Variants in NSFL1C observed in about 807,000 individuals in gnomAD.
NSFL1C encodes the protein NSFL1 cofactor p47.
A neutral mutation model predicts 43.1 loss-of-function variants in NSFL1C; 14 were observed. That is an observed-to-expected ratio of 0.32 (90% confidence interval 0.21 to 0.51). The LOEUF is 0.51. Among genes scored for constraint, NSFL1C ranks in the 20% least tolerant of loss-of-function variants. The probability of loss-of-function intolerance (pLI) is 0.98; values close to 1 mark genes in which losing one functional copy is unlikely to be tolerated. For missense variants in NSFL1C, 406 were observed against 472.5 expected, an observed-to-expected ratio of 0.86 and a Z score of 1.30; for synonymous variants, 171 against 183.5, an observed-to-expected ratio of 0.93 and a Z score of 0.55.
intron 7 of NSFL1C, 198 bp from the exon 8 acceptor site, chr20:1,446,028 A>G (rs1272267363): frequency 3.3e-6 from 2 of 611,270 alleles, no homozygotes; most frequent in Non-Finnish European, 5.8e-6. Context: ...ACCCTGAGTC[A>G]TATATTTCAT....
chr20:1,455,817 A>G (rs1225788178), intron 3 of NSFL1C: 1 of 766,730 alleles, frequency 1.3e-6, no homozygotes, highest in Admixed American at 1.7e-5. Flanking sequence ...CAGCACCAGG[A>G]GCTCCCCCAA....
At chr20:1,458,410 T>A (rs539096966) in intron 2 of NSFL1C, 136 bp from the exon 3 acceptor site, 3 of 659,534 alleles carry the variant, frequency 4.5e-6, no homozygotes, top group Admixed American at 4.9e-5. Flanking sequence ...TGGAGAAAGG[T>A]TAATCCCCTA....
At position 1,452,526 on chromosome 20, in the gene NSFL1C, T is replaced by C. The variant is rs763661840; in HGVS notation, c.752A>G (p.Lys251Arg). The C allele has an allele frequency of 3.3e-5, 54 of 1,614,096 alleles. No individual in the cohort carries two copies. The highest frequency in any genetic ancestry group is 1.3e-4 in the African/African-American group (10 of 74,930). The change falls in exon 7 of 9, where the codon AAA becomes AGA. Residue 251 changes from lysine (K) to arginine (R), a missense_variant. Lys to Arg is a conservative substitution (Grantham distance 26, BLOSUM62 2). Coordinates refer to ENST00000216879, the MANE Select transcript of NSFL1C (RefSeq NM_016143.5). ...EDFVKPKGAF[K>R]AFTGEGQKLG... ...TTTCTGACCCTCGCCAGTGAAGGCTTTGAAGGCTCCTTTGGGCTTCACAAA... is the reference window on the plus strand; with the variant it reads ...TTTCTGACCCTCGCCAGTGAAGGCTCTGAAGGCTCCTTTGGGCTTCACAAA...
In NSFL1C at chr20:1,445,796, C is replaced by A; in HGVS notation, c.820G>T (p.Ala274Ser). 6.2e-7 allele frequency: 1 copy of A among 1,613,980 alleles called. No homozygotes were observed. Among genetic ancestry groups the A allele is most frequent in the Non-Finnish European group, 8.5e-7 (1 of 1,179,990 alleles). The change falls in exon 8 of 9, where the codon GCC (alanine) becomes TCC (serine). Residue 274 changes from alanine to serine, a missense_variant. Physicochemically the swap from Ala to Ser is moderately conservative, Grantham distance 99. This residue lies in a region of NSFL1C where 196 missense variants were observed against 228.0 expected (regional missense o/e 0.86). Transcript: ENST00000216879. Reference sequence around the variant, plus strand: ...TTGGCTTCATTTTCTGCCTGTTGGGCTGGAGAGCTGGTACTCAACACCTGG... The same window carrying A: ...TTGGCTTCATTTTCTGCCTGTTGGGATGGAGAGCTGGTACTCAACACCTGG... ...APQVLSTSSP[A>S]QQAENEAKAS...
At position 1,454,390 on chromosome 20, in the gene NSFL1C, T is replaced by A. The variant is rs1032089301; in HGVS notation, c.445-85A>T. 14 of 951,076 alleles carry A rather than the reference T, an allele frequency of 1.5e-5. No individual in the cohort carries two copies. In the African/African-American group the frequency reaches 1.8e-4, roughly 12 times the overall value. 58.9% of individuals were successfully genotyped at this position (951,076 alleles called of 1,614,324 possible). ...GATACAATGATATATATATCTTAGG[T>A]AAGAGGAAGAAAGAGGACAGGGTTC... On this transcript the variant is annotated intron_variant, in intron 4 of 8. Coordinates refer to ENST00000216879, the MANE Select transcript of NSFL1C (RefSeq NM_016143.5).
intron 3 of NSFL1C, chr20:1,456,555 C>G (rs183203380): frequency 6.6e-6 from 1 of 152,318 alleles, no homozygotes; most frequent in African/African-American, 2.4e-5. Context: ...GAATGTCTGA[C>G]AGACCGAGGC....
At chr20:1,461,788 A>C (rs1390628029) in intron 2 of NSFL1C, among the ~76,000 whole-genome samples, 1 of 152,226 alleles carries the variant, frequency 6.6e-6, no homozygotes, top group East Asian at 1.9e-4. Flanking sequence ...AACAGTACTA[A>C]CAACAGTACT....
At chr20:1,447,199 A>G (rs2090076993) in intron 7 of NSFL1C, among the ~76,000 whole-genome samples, 1 of 152,238 alleles carries the variant, frequency 6.6e-6, no homozygotes, top group African/African-American at 2.4e-5. Flanking sequence ...GCCTCAAAGC[A>G]TGTGGGACTC....
At chr20:1,449,873 G>GC (rs2090148612) in intron 7 of NSFL1C, among the ~76,000 whole-genome samples, 1 of 152,098 alleles carries the variant, frequency 6.6e-6, no homozygotes, top group Admixed American at 6.5e-5. Context: ...CTCACTTCCA[G>GC]CAGCAGTGAC....
At position 1,457,772 on chromosome 20, in the gene NSFL1C, T is replaced by C. The variant is rs563603828; in HGVS notation, c.278+428A>G. Among the ~76,000 whole-genome samples the C allele has an allele frequency of 4.6e-5, 7 of 152,364 alleles. No individual in the cohort carries two copies. The East Asian group carries it at 5.8e-4, about 13-fold the overall frequency. On this transcript the variant is annotated intron_variant, in intron 3 of 8. Transcript: ENST00000216879. ...TGACAATTTCCTTCTTTTTAAAGAC[T>C]GAGTAGTATTCCTACTGTGTATATA...
chr20:1,453,197 C>G, intron 5 of NSFL1C, 57 bp from the exon 6 acceptor site: 5 of 988,862 alleles, frequency 5.1e-6, no homozygotes, highest in Non-Finnish European at 8.1e-6. Context: ...CCAATTTGAA[C>G]TTGCAAATTA....
chr20:1,444,155 C>T (rs1212214517), intron 8 of NSFL1C, among the ~76,000 whole-genome samples: 3 of 152,208 alleles, frequency 2.0e-5, no homozygotes, highest in Non-Finnish European at 2.9e-5. Context: ...TTATACCACC[C>T]TCTTTCCCCT....
chr20:1,451,443 T>A (rs1463409319), intron 7 of NSFL1C, among the ~76,000 whole-genome samples: 2 of 152,160 alleles, frequency 1.3e-5, no homozygotes, highest in Non-Finnish European at 2.9e-5. Context: ...AGAAAGGATG[T>A]CTCATTGTGC....
chr20:1,449,870 C>A (rs989552864), intron 7 of NSFL1C, among the ~76,000 whole-genome samples: 6 of 152,150 alleles, frequency 3.9e-5, no homozygotes, highest in Non-Finnish European at 7.3e-5. Context: ...AAGCTCACTT[C>A]CAGCAGCAGT....
rs561929579 is a variant in NSFL1C, at chr20:1,465,278, T to G, written c.106-852A>C. Among the ~76,000 whole-genome samples the G allele has an allele frequency of 3.3e-5, 5 of 152,202 alleles. No homozygotes were observed. In the South Asian group the frequency reaches 1.0e-3, roughly 32 times the overall value. ...GGGTCACCAACTTCACAGGAGACAG[T>G]GAGCTGTCAAGGGATAAAAGTAATC... is the stretch of plus-strand genomic sequence containing the variant. On this transcript the variant is annotated intron_variant, in intron 1 of 8. Coordinates refer to ENST00000216879, the MANE Select transcript of NSFL1C (RefSeq NM_016143.5).
chr20:1,455,162 A>C (rs1382780339), intron 3 of NSFL1C, 30 bp from the exon 4 acceptor site: 3 of 1,613,426 alleles, frequency 1.9e-6, no homozygotes, highest in Non-Finnish European at 2.5e-6. Flanking sequence ...CTAACATGAA[A>C]CACTCATGGA....
chr20:1,455,005 G>A lies in NSFL1C; in HGVS notation c.406C>T (p.Arg136Ter). The change falls in exon 4 of 9, where the codon CGA becomes TGA. Residue 136 changes from arginine (R) to a stop codon, truncating the protein, a stop_gained. Coordinates refer to ENST00000216879, the MANE Select transcript of NSFL1C (RefSeq NM_016143.5). LOFTEE classifies it high-confidence loss of function. ...AKEHGAVAVE[R>*]VTKSPGETSK... ...GTCTCTCCAGGGCTCTTGGTCACTC[G>A]CTCCACAGCTACAGCTCCATGCTCT... The A allele has an allele frequency of 2.5e-6, 4 of 1,613,976 alleles. No individual in the cohort carries two copies. Among genetic ancestry groups the A allele is most frequent in the Non-Finnish European group, 3.4e-6 (4 of 1,180,010 alleles).
chr20:1,455,974 A>T (rs1349789921), intron 3 of NSFL1C: 1 of 553,742 alleles, frequency 1.8e-6, no homozygotes, highest in African/African-American at 1.9e-5. Context: ...TTGAGATAAT[A>T]AAGTTAGTAC....
Position 1,454,316 on chromosome 20 carries a change from C to A in NSFL1C, c.445-11G>T. On this transcript the variant is annotated splice_polypyrimidine_tract_variant and intron_variant, in intron 4 of 8. Coordinates refer to ENST00000216879, the MANE Select transcript of NSFL1C (RefSeq NM_016143.5). ...ACCTCCTGCAAATGGCTATAAGGGA[C>A]AAGTTCATACACATTTAAGGGGTTG... The A allele has an allele frequency of 6.3e-7, 1 of 1,593,956 alleles. No individual in the cohort carries two copies. Among genetic ancestry groups the A allele is most frequent in the Non-Finnish European group, 8.6e-7 (1 of 1,163,436 alleles).
Sources: allele counts gnomAD v4.1 joint callset (sites outside exome capture counted in the v4.1 genomes callset), GRCh38; gene constraint gnomAD v4.1.1; regional missense constraint gnomAD v4.1.1; transcripts MANE v1.5; gene names NCBI Gene and HGNC (gene_info 2026-07-23, HGNC 2026-07-21).